Variants in FAM193A observed in about 807,000 individuals in gnomAD.
FAM193A encodes the protein protein FAM193A.
A neutral mutation model predicts 126.5 loss-of-function variants in FAM193A; 22 were observed. That is an observed-to-expected ratio of 0.17 (90% CI 0.12 to 0.25). The LOEUF (loss-of-function observed/expected upper bound fraction) is 0.25, where lower values mean the gene tolerates loss of function less well. Ranked by LOEUF, FAM193A falls within the 10% of genes least tolerant of loss-of-function variation. FAM193A has a pLI of 1.00. For missense variants in FAM193A, 1,675 were observed against 1,672.8 expected (o/e 1.00, Z -0.02); for synonymous variants, 761 against 646.8 (o/e 1.18, Z -2.68).
At chr4:2,668,057 G>A (rs1168340358) in intron 12 of FAM193A, among the ~76,000 whole-genome samples, 2 of 151,594 alleles carry the variant, frequency 1.3e-5, no homozygotes, top group African/African-American at 4.9e-5. Context: ...GGCATGTGCC[G>A]CCATGACCGG....
intron 13 of FAM193A, among the ~76,000 whole-genome samples, chr4:2,678,419 G>A (rs1184426356): frequency 1.4e-5 from 2 of 145,056 alleles, no homozygotes; most frequent in Non-Finnish European, 3.0e-5. Flanking sequence ...CTGGAGTGCA[G>A]TGGCATGATC....
At chr4:2,579,987 A>G (rs1739826573) in intron 1 of FAM193A, among the ~76,000 whole-genome samples, 1 of 152,210 alleles carries the variant, frequency 6.6e-6, no homozygotes, top group African/African-American at 2.4e-5. Context: ...GCGTGTGTTC[A>G]TTGCAGCACT....
chr4:2,646,877 C>T (rs961663253), intron 7 of FAM193A, 45 bp downstream of exon 7: 17 of 1,562,416 alleles, frequency 1.1e-5, no homozygotes, highest in African/African-American at 1.4e-5. Flanking sequence ...CATCCTCAGA[C>T]GGCCCTGTTG....
chr4:2,648,503 G>C (rs1560519659), intron 7 of FAM193A, among the ~76,000 whole-genome samples: 1 of 152,218 alleles, frequency 6.6e-6, no homozygotes, highest in African/African-American at 2.4e-5. Context: ...TGCAACCAGA[G>C]ACTTTCCTGC....
intron 2 of FAM193A, among the ~76,000 whole-genome samples, chr4:2,622,273 A>C (rs573233434): frequency 1.3e-5 from 2 of 151,576 alleles, no homozygotes; most frequent in East Asian, 1.9e-4. Flanking sequence ...AAAAAAAAAA[A>C]AAAAAAAAAA....
intron 13 of FAM193A, among the ~76,000 whole-genome samples, chr4:2,687,547 C>T (rs867685267): frequency 3.9e-5 from 6 of 152,138 alleles, no homozygotes; most frequent in African/African-American, 9.7e-5. Flanking sequence ...GTCACCTGAC[C>T]GTGCCTCCTC....
At chr4:2,657,451 G>A (rs1711848625) in intron 7 of FAM193A, among the ~76,000 whole-genome samples, 2 of 152,076 alleles carry the variant, frequency 1.3e-5, no homozygotes, top group East Asian at 3.8e-4. Flanking sequence ...TGGCAGGACC[G>A]AGTTGCCATC....
intron 1 of FAM193A, among the ~76,000 whole-genome samples, chr4:2,571,820 G>A (rs140006978): frequency 7.3e-5 from 11 of 151,702 alleles, no homozygotes; most frequent in Non-Finnish European, 1.3e-4. Context: ...GATTACAGGT[G>A]TGAGCCACAG....
intron 20 of FAM193A, among the ~76,000 whole-genome samples, chr4:2,719,770 T>C (rs71608229): frequency 0.055 from 6,878 of 125,724 alleles, 273 homozygotes; most frequent in African/African-American, 0.088. Flanking sequence ...CCTCCTTCCT[T>C]CCTCCCTCCC....
intron 13 of FAM193A, among the ~76,000 whole-genome samples, chr4:2,684,794 T>C (rs1218588178): frequency 6.6e-6 from 1 of 152,202 alleles, no homozygotes; most frequent in Non-Finnish European, 1.5e-5. Flanking sequence ...TCCTTTGCCT[T>C]TGTCGATAGC....
chr4:2,662,640 G>T (rs1283016213), intron 10 of FAM193A, among the ~76,000 whole-genome samples, 198 bp from the exon 11 acceptor site: 1 of 152,058 alleles, frequency 6.6e-6, no homozygotes, highest in Non-Finnish European at 1.5e-5. Flanking sequence ...CTTCCAAATG[G>T]CACAAATGTT....
At position 2,581,152 on chromosome 4, in the gene FAM193A, C is replaced by A. The variant is rs1020138776; in HGVS notation, c.256-14932C>A. On this transcript the variant is annotated intron_variant, in intron 1 of 20. Transcript: ENST00000637812. The stretch of plus-strand genomic sequence containing the variant: ...TCAAAAAACAACAACAAAAAAAAAA[C>A]CACTGATTTATTTTATTCCATTTTT... 6.0e-5 allele frequency among the ~76,000 whole-genome samples: 9 copies of A among 151,010 alleles called. No homozygotes were observed. In the South Asian group the frequency reaches 1.0e-3, roughly 17 times the overall value.
chr4:2,652,125 G>A (rs553509718), intron 7 of FAM193A, among the ~76,000 whole-genome samples: 3 of 152,210 alleles, frequency 2.0e-5, no homozygotes, highest in Admixed American at 6.5e-5. Context: ...TGTTTACCAG[G>A]GATTTGCAGA....
chr4:2,703,890 G>A (rs1482986352), intron 19 of FAM193A, among the ~76,000 whole-genome samples: 1 of 150,668 alleles, frequency 6.6e-6, no homozygotes, highest in African/African-American at 2.4e-5. Flanking sequence ...GAGAATCGCT[G>A]GAGCCCAGGA....
intron 1 of FAM193A, among the ~76,000 whole-genome samples, chr4:2,588,750 A>G (rs1238072445): frequency 6.6e-6 from 1 of 152,314 alleles, no homozygotes; most frequent in South Asian, 2.1e-4. Flanking sequence ...TGCTGTAAAG[A>G]CTGTTAATAC....
In FAM193A at chr4:2,696,252, A is replaced by G. The variant is rs889465101; in HGVS notation, c.3277-111A>G. ...TTGTTGTATTTCCTTATTTTTCACAACAAATATATACTACTTGAGTAATAA... is the reference window on the plus strand; with the variant it reads ...TTGTTGTATTTCCTTATTTTTCACAGCAAATATATACTACTTGAGTAATAA... On this transcript the variant is annotated intron_variant, in intron 17 of 20. Coordinates refer to ENST00000637812, the MANE Select transcript of FAM193A (RefSeq NM_001366318.2). 24 of 709,460 alleles carry G rather than the reference A, an allele frequency of 3.4e-5. No homozygotes were observed. In the South Asian group the frequency reaches 4.9e-4, roughly 14 times the overall value. The allele number at this position is 709,460 out of a possible 1,614,324, so 43.9% of individuals were successfully genotyped here. A position where few individuals can be genotyped will look rare whatever the true frequency, so the allele number is the denominator to read the frequency against.
intron 1 of FAM193A, among the ~76,000 whole-genome samples, chr4:2,553,280 G>C (rs2108824858): frequency 1.3e-5 from 2 of 152,180 alleles, no homozygotes; most frequent in Admixed American, 1.3e-4. Context: ...AATGCGCGAT[G>C]ATAGGACCTG....
chr4:2,565,460 G>A (rs1245172675), intron 1 of FAM193A, among the ~76,000 whole-genome samples: 2 of 151,876 alleles, frequency 1.3e-5, no homozygotes, highest in Non-Finnish European at 2.9e-5. Flanking sequence ...TTTTCACCGT[G>A]TTGGCCAGGA....
chr4:2,621,995 C>G (rs186212324), intron 2 of FAM193A, among the ~76,000 whole-genome samples: 1 of 152,254 alleles, frequency 6.6e-6, no homozygotes, highest in Admixed American at 6.5e-5. Flanking sequence ...TGGCTCACGC[C>G]TGTAATCCCA....
Sources: gnomAD v4.1 joint callset for allele counts (sites outside exome capture counted in the v4.1 genomes callset) on GRCh38, gnomAD v4.1.1 for gene constraint, MANE v1.5 for transcripts, NCBI Gene and HGNC (gene_info 2026-07-23, HGNC 2026-07-21) for gene names.